Variants in WDR31 observed in about 807,000 individuals in gnomAD.
The protein encoded by WDR31 is WD repeat domain 31, also known as WD repeat-containing protein 31.
Under a neutral mutation model 47.3 loss-of-function variants are expected in WDR31, and 30 were observed. That is an observed-to-expected ratio of 0.63 (90% CI 0.47 to 0.86). WDR31 has a LOEUF of 0.86. Ranked by LOEUF, WDR31 falls within the 40% of genes least tolerant of loss-of-function variation. The pLI is 0.00. For synonymous variants in WDR31, 137 were observed against 159.4 expected (o/e 0.86, Z 1.06); for missense variants, 406 against 442.9 (o/e 0.92, Z 0.75).
rs1403562757 is a variant in WDR31, at chr9:113,316,437, T to TA, written c.*311dup. 1 of 222,646 alleles carries TA rather than the reference T, an allele frequency of 4.5e-6. No individual in the cohort carries two copies. Among genetic ancestry groups the TA allele is most frequent in the Non-Finnish European group, 8.9e-6 (1 of 112,988 alleles). The allele number at this position is 222,646 out of a possible 1,614,324, so 13.8% of individuals were successfully genotyped here. A position where few individuals can be genotyped will look rare whatever the true frequency, so the allele number is the denominator to read the frequency against. ...TTCACAGACAGAGGCCTGCCACTCT[T>TA]ACATTTACAGGTCATCATTCTGAGC... On this transcript the variant is annotated 3_prime_UTR_variant, in exon 11 of 11. Transcript: ENST00000374193.
intron 4 of WDR31, among the ~76,000 whole-genome samples, chr9:113,330,506 T>C (rs1395734485): frequency 6.6e-6 from 1 of 152,086 alleles, no homozygotes; most frequent in Non-Finnish European, 1.5e-5. Context: ...AATGTGAGAA[T>C]GGGAGGAAGG....
At position 113,320,576 on chromosome 9, in the gene WDR31, A is replaced by T. The variant is rs1357049744; in HGVS notation, c.639-78T>A. 3 of 1,544,152 alleles carry T rather than the reference A, an allele frequency of 1.9e-6. No individual in the cohort carries two copies. The African/African-American group carries it at 4.1e-5, about 21-fold the overall frequency. On this transcript the variant is annotated intron_variant, in intron 8 of 10. Transcript: ENST00000374193. ...ACCCGTATTGTCCCACTACCAAAAA[A>T]GTCTTGGCTCTTTGCTGCATAGGCC...
intron 2 of WDR31, among the ~76,000 whole-genome samples, chr9:113,332,779 A>T (rs879006276): frequency 1.3e-5 from 2 of 152,184 alleles, no homozygotes; most frequent in Admixed American, 1.3e-4. Context: ...TGTTGGAGGT[A>T]GGGCTTAGTT....
At chr9:113,339,057 A>G (rs1376051494) in intron 1 of WDR31, among the ~76,000 whole-genome samples, 1 of 152,178 alleles carries the variant, frequency 6.6e-6, no homozygotes, top group African/African-American at 2.4e-5. Context: ...GAAAATCTAC[A>G]GATTCAGTTA....
intron 5 of WDR31, among the ~76,000 whole-genome samples, chr9:113,323,553 T>C (rs1392556209): frequency 6.6e-6 from 1 of 151,744 alleles, no homozygotes; most frequent in East Asian, 1.9e-4. Context: ...TGAGCCACTG[T>C]GCCCGGCCCC....
intron 7 of WDR31, 99 bp downstream of exon 7, chr9:113,322,712 T>C: frequency 8.1e-7 from 1 of 1,237,350 alleles, no homozygotes; most frequent in Non-Finnish European, 1.1e-6. Context: ...ACCCAGGCTC[T>C]AATTTCTGCT....
In WDR31 at chr9:113,318,529, T is replaced by A. The variant is rs753997113; in HGVS notation, c.889A>T (p.Ile297Phe). The change falls in exon 10 of 11, where the codon ATT becomes TTT. Residue 297 changes from isoleucine (I) to phenylalanine (F), a missense_variant. Transcript: ENST00000374193. ...TTGCAATCATGTGATGAGGTAGCAATTAAAGGCATCAAGGCCAATGCTCTT... is the reference window on the plus strand; with the variant it reads ...TTGCAATCATGTGATGAGGTAGCAAATAAAGGCATCAAGGCCAATGCTCTT... ...LPRALALMPL[I>F]ATSSHDCKVK... The A allele has an allele frequency of 6.2e-7, 1 of 1,614,202 alleles. No homozygotes were observed. Among genetic ancestry groups the A allele is most frequent in the South Asian group, 1.1e-5 (1 of 91,082 alleles).
At chr9:113,337,601 G>A (rs951325744) in intron 1 of WDR31, among the ~76,000 whole-genome samples, 5 of 151,880 alleles carry the variant, frequency 3.3e-5, no homozygotes, top group African/African-American at 9.7e-5. Flanking sequence ...GAGTAGCTGC[G>A]ATTACAGGTG....
chr9:113,318,720 G>A (rs1225732511), intron 9 of WDR31, 83 bp from the exon 10 acceptor site: 51 of 1,462,862 alleles, frequency 3.5e-5, no homozygotes, highest in Non-Finnish European at 4.8e-5. Context: ...CCCCCATGAT[G>A]CACCTATTCC....
Position 113,331,920 on chromosome 9 carries a change from T to C in WDR31, c.103A>G (p.Thr35Ala). The C allele has an allele frequency of 6.2e-7, 1 of 1,613,736 alleles. No homozygotes were observed. Among genetic ancestry groups the C allele is most frequent in the Non-Finnish European group, 8.5e-7 (1 of 1,179,732 alleles). ...GGATTGCAGTACCCGTATTTATAAG[T>C]GCTGTGTTTGAGTTTGCTTTGCTGT... The part of the protein sequence containing the change: ...GKQQSKLKHS[T>A]YKYGRPDEII... The change falls in exon 3 of 11, where the codon ACT becomes GCT. Residue 35 changes from threonine to alanine, a missense_variant. By Grantham distance (58) the Thr-to-Ala change is moderately conservative. Transcript: ENST00000374193.
At chr9:113,317,936 A>G (rs1833244628) in intron 10 of WDR31, among the ~76,000 whole-genome samples, 1 of 152,256 alleles carries the variant, frequency 6.6e-6, no homozygotes, top group Non-Finnish European at 1.5e-5. Flanking sequence ...AAAATCCTGA[A>G]TATTTAACAA....
At chr9:113,330,172 C>T (rs1029779675) in intron 4 of WDR31, among the ~76,000 whole-genome samples, 9 of 151,996 alleles carry the variant, frequency 5.9e-5, no homozygotes, top group African/African-American at 2.2e-4. Flanking sequence ...CCGATCTCGG[C>T]TTACTGCAAC....
At chr9:113,321,690 T>A in intron 7 of WDR31, 112 bp from the exon 8 acceptor site, 1 of 1,012,300 alleles carries the variant, frequency 9.9e-7, no homozygotes, top group Non-Finnish European at 1.5e-6. Context: ...GATTCTGAAC[T>A]AGCAAATTCA....
chr9:113,315,496 G>A lies in WDR31; in HGVS notation c.*1253C>T, dbSNP rs1331314227. 1 of 152,154 alleles carries A rather than the reference G, an allele frequency of 6.6e-6. No homozygotes were observed. Among genetic ancestry groups the A allele is most frequent in the Non-Finnish European group, 1.5e-5 (1 of 68,058 alleles). 9.4% of individuals were successfully genotyped at this position (152,154 alleles called of 1,614,324 possible). A position where few individuals can be genotyped will look rare whatever the true frequency, so the allele number is the denominator to read the frequency against. On this transcript the variant is annotated 3_prime_UTR_variant, in exon 11 of 11. Transcript: ENST00000374193. ...TTATGTGTGGGCATCTCTGAAGGCA[G>A]AAAGAACTCCATTTTCCCTGGAGGA...
intron 2 of WDR31, among the ~76,000 whole-genome samples, chr9:113,334,194 C>T (rs766508721): frequency 4.0e-5 from 6 of 151,896 alleles, no homozygotes; most frequent in Admixed American, 2.6e-4. Context: ...TTTGTAGAGA[C>T]GGGGTTTCGC....
intron 2 of WDR31, among the ~76,000 whole-genome samples, chr9:113,332,494 C>G (rs2118845325): frequency 6.6e-6 from 1 of 152,314 alleles, no homozygotes; most frequent in Non-Finnish European, 1.5e-5. Context: ...GTACATACTA[C>G]AACATGGGTG....
rs751165901 is a variant in WDR31, at chr9:113,322,910, G to C, written c.471C>G (p.Asp157Glu). 2.2e-5 allele frequency: 35 copies of C among 1,614,058 alleles called. No homozygotes were observed. Among genetic ancestry groups the C allele is most frequent in the Admixed American group, 1.7e-5 (1 of 60,002 alleles). ...MVVTGLAVSP[D>E]SSQLCTGSRD... is the part of the protein sequence containing the mutation. ...GAGAGCCAGTGCACAGCTGTGATGA[G>C]TCTTTGGAAACAATGGTGAGAAGAC... is the stretch of plus-strand genomic sequence containing the variant. Residue 157 changes from aspartate (D) to glutamate (E), a missense_variant and splice_region_variant, in exon 7 of 11, where the codon GAC (aspartate) becomes GAG (glutamate). Asp to Glu is a conservative substitution (Grantham distance 45). Coordinates refer to ENST00000374193, the MANE Select transcript of WDR31 (RefSeq NM_001012361.4).
chr9:113,333,242 C>G (rs893315889), intron 2 of WDR31, among the ~76,000 whole-genome samples: 6 of 146,100 alleles, frequency 4.1e-5, no homozygotes, highest in Admixed American at 3.4e-4. Flanking sequence ...GTTATGTGCA[C>G]TCTGCCACAA....
At position 113,326,354 on chromosome 9, in the gene WDR31, CTTCCT is replaced by C. The variant is rs533540199; in HGVS notation, c.324+2522_324+2526del. The stretch of plus-strand genomic sequence containing the variant: ...CCGCACATACAGATTCTTTTTCTTT[CTTCCT>C]TTCCTTTCCTTTCTTTCTTTCTCTT... On this transcript the variant is annotated intron_variant, in intron 5 of 10. Coordinates refer to ENST00000374193, the MANE Select transcript of WDR31 (RefSeq NM_001012361.4). Among the ~76,000 whole-genome samples, 46 of 152,082 alleles carry C rather than the reference CTTCCT, an allele frequency of 3.0e-4. No individual in the cohort carries two copies. In the South Asian group the frequency reaches 5.0e-3, roughly 16 times the overall value.
Sources: allele counts gnomAD v4.1 joint callset (sites outside exome capture counted in the v4.1 genomes callset), GRCh38; gene constraint gnomAD v4.1.1; transcripts MANE v1.5; gene names NCBI Gene and HGNC (gene_info 2026-07-23, HGNC 2026-07-21).